DCC: variants seen among roughly 807,000 people sequenced by gnomAD.
DCC encodes DCC netrin 1 receptor, also known as netrin receptor DCC.
In DCC, 58 loss-of-function variants were observed where a neutral mutation model predicts 172.5. The observed-to-expected ratio is 0.34, with a 90% confidence interval of 0.27 to 0.42. DCC has a LOEUF of 0.42. Among genes scored for constraint, DCC ranks in the 10% least tolerant of loss-of-function variants. The probability of loss-of-function intolerance (pLI) is 1.00; values close to 1 mark genes in which losing one functional copy is unlikely to be tolerated. For synonymous variants in DCC, 709 were observed against 644.5 expected, an observed-to-expected ratio of 1.10 and a Z score of -1.52; for missense variants, 1,740 against 1,791.0, an observed-to-expected ratio of 0.97 and a Z score of 0.51.
At chr18:53,047,428 C>T (rs866550239) in intron 5 of DCC, among the ~76,000 whole-genome samples, 154 of 50,008 alleles carry the variant, frequency 3.1e-3, no homozygotes, top group Middle Eastern at 0.014. Context: ...ATATATTTTA[C>T]ATATATATAT....
intron 1 of DCC, among the ~76,000 whole-genome samples, chr18:52,658,313 A>C (rs979657977): frequency 3.3e-5 from 5 of 152,234 alleles, no homozygotes; most frequent in African/African-American, 1.2e-4. Flanking sequence ...TTTCTGATTA[A>C]TTCTCAAAAC....
intron 3 of DCC, among the ~76,000 whole-genome samples, chr18:52,907,742 C>T (rs2039911503): frequency 6.6e-6 from 1 of 152,112 alleles, no homozygotes; most frequent in East Asian, 1.9e-4. Flanking sequence ...CTTACTTGTC[C>T]ATTCACATGC....
chr18:52,367,345 G>GT (rs1984924601), intron 1 of DCC, among the ~76,000 whole-genome samples: 1 of 152,198 alleles, frequency 6.6e-6, no homozygotes. Flanking sequence ...CCAGAAAGGG[G>GT]CTCCTACAGT....
intron 5 of DCC, among the ~76,000 whole-genome samples, chr18:52,936,912 TTAAA>T (rs1181616502): frequency 2.0e-5 from 3 of 152,178 alleles, no homozygotes; most frequent in Non-Finnish European, 4.4e-5. Flanking sequence ...TCATACACTT[TTAAA>T]TAAATGTTTT....
At position 53,322,838 on chromosome 18, in the gene DCC, A is replaced by G. The variant is rs113813798; in HGVS notation, c.2164+681A>G. ...ATGGGTAATGAAGTGACAGAATAAA[A>G]CATTAAATAATAAAGCAGAAATATA... On this transcript the variant is annotated intron_variant, in intron 14 of 28. Transcript: ENST00000442544. Among the ~76,000 whole-genome samples the G allele has an allele frequency of 5.8e-3, 884 of 151,954 alleles. 9 individuals carry two copies. The highest frequency in any genetic ancestry group is 0.02 in the African/African-American group (837 of 41,550).
chr18:52,874,051 T>G (rs1004630066), intron 2 of DCC, among the ~76,000 whole-genome samples: 6 of 152,182 alleles, frequency 3.9e-5, no homozygotes. Context: ...ACTTGTATTT[T>G]CATCCTTTGT....
At chr18:52,749,665 AT>A (rs145990227) in intron 1 of DCC, among the ~76,000 whole-genome samples, 14,689 of 152,298 alleles carry the variant, frequency 0.096, 898 homozygotes, top group Middle Eastern at 0.2. Flanking sequence ...GAAAACTGTC[AT>A]AATCTCCTTG....
rs1568075092 is a variant in DCC at position 53,351,398 on chromosome 18, A to ACAGTATATATATATACT, written c.2359+11491_2359+11492insCAGTATATATATATACT. Among the ~76,000 whole-genome samples, 6 of 14,086 alleles carry ACAGTATATATATATACT rather than the reference A, an allele frequency of 4.3e-4. 1 individual carries two copies. Among genetic ancestry groups the ACAGTATATATATATACT allele is most frequent in the East Asian group, 7.5e-3 (2 of 268 alleles). The allele number at this position is 14,086 out of a possible 152,430, so 9.2% of individuals were successfully genotyped here. A position where few individuals can be genotyped will look rare whatever the true frequency, so the allele number is the denominator to read the frequency against. ...ATATATATACAGTATATATATATAC[A>ACAGTATATATATATACT]GTGTATATATATATATATACACACT... On this transcript the variant is annotated intron_variant, in intron 15 of 28. Coordinates refer to ENST00000442544, the MANE Select transcript of DCC (RefSeq NM_005215.4).
chr18:52,818,770 G>C (rs1001506383), intron 2 of DCC, among the ~76,000 whole-genome samples: 1 of 152,118 alleles, frequency 6.6e-6, no homozygotes, highest in African/African-American at 2.4e-5. Flanking sequence ...TAACATGCTA[G>C]GAAATGCATA....
chr18:53,490,673 G>A (rs1264928858), intron 26 of DCC, among the ~76,000 whole-genome samples: 2 of 152,168 alleles, frequency 1.3e-5, no homozygotes, highest in Non-Finnish European at 2.9e-5. Flanking sequence ...AGAGCTAAAT[G>A]TCATGCCACT....
intron 2 of DCC, among the ~76,000 whole-genome samples, chr18:52,844,811 T>C (rs560185379): frequency 6.6e-6 from 1 of 152,342 alleles, no homozygotes; most frequent in Admixed American, 6.5e-5. Flanking sequence ...TCTTTGATGT[T>C]TGTCACCCAG....
chr18:53,230,137 G>A (rs1383657758), intron 12 of DCC, among the ~76,000 whole-genome samples: 3 of 152,036 alleles, frequency 2.0e-5, no homozygotes, highest in Admixed American at 1.3e-4. Flanking sequence ...AGACACCTCT[G>A]CACCTTCTGT....
At chr18:52,963,613 G>A (rs72926162) in intron 5 of DCC, among the ~76,000 whole-genome samples, 3,242 of 152,160 alleles carry the variant, frequency 0.021, 60 homozygotes, top group Admixed American at 0.039. Context: ...GAGTGGGAAG[G>A]TGTTGTGGAG....
At chr18:53,159,685 G>A (rs561514460) in intron 8 of DCC, among the ~76,000 whole-genome samples, 85 of 151,016 alleles carry the variant, frequency 5.6e-4, no homozygotes, top group Non-Finnish European at 1.0e-3. Context: ...ATGCATATAT[G>A]TAAAAGTGTG....
chr18:53,135,369 T>G (rs1358791152), intron 7 of DCC, among the ~76,000 whole-genome samples: 1 of 152,148 alleles, frequency 6.6e-6, no homozygotes, highest in Non-Finnish European at 1.5e-5. Context: ...TTTCCATTAA[T>G]GTTTGTGGAT....
At chr18:52,752,610 C>T (rs1361087422) in intron 2 of DCC, among the ~76,000 whole-genome samples, 16 of 152,170 alleles carry the variant, frequency 1.1e-4, no homozygotes, top group Non-Finnish European at 2.9e-5. Flanking sequence ...ATACTTCTCT[C>T]TTTTCTGTGG....
At chr18:52,793,091 G>A (rs532022624) in intron 2 of DCC, among the ~76,000 whole-genome samples, 1 of 152,324 alleles carries the variant, frequency 6.6e-6, no homozygotes, top group African/African-American at 2.4e-5. Context: ...TTATAGGCAG[G>A]TTGGAGAAGG....
At chr18:52,551,684 T>C (rs1355653834) in intron 1 of DCC, among the ~76,000 whole-genome samples, 1 of 151,582 alleles carries the variant, frequency 6.6e-6, no homozygotes, top group Admixed American at 6.6e-5. Context: ...GAATAACTTA[T>C]GAAAGGTCAT....
intron 7 of DCC, among the ~76,000 whole-genome samples, chr18:53,122,337 T>C (rs1309572544): frequency 6.6e-6 from 1 of 152,008 alleles, no homozygotes; most frequent in Non-Finnish European, 1.5e-5. Flanking sequence ...TTTTCTTTTC[T>C]TATGGAATTG....
Sources: gnomAD v4.1 joint callset for allele counts (sites outside exome capture counted in the v4.1 genomes callset) on GRCh38, gnomAD v4.1.1 for gene constraint, MANE v1.5 for transcripts, NCBI Gene and HGNC (gene_info 2026-07-23, HGNC 2026-07-21) for gene names.